AGBL1: variants seen among roughly 807,000 people sequenced by gnomAD.
AGBL1 encodes the protein AGBL carboxypeptidase 1.
AGBL1 carries 130 observed loss-of-function variants against 118.9 expected under a neutral mutation model. The ratio of observed to expected loss-of-function variants is 1.09; its 90% CI spans 0.95 to 1.26. The LOEUF is 1.26. Among genes scored for constraint, AGBL1 ranks in the 50% most tolerant of loss-of-function variants. The pLI is 0.00. For missense variants in AGBL1, 1,584 were observed against 1,298.1 expected (o/e 1.22, Z -3.38); for synonymous variants, 555 against 478.9 (o/e 1.16, Z -2.08).
intron 22 of AGBL1, among the ~76,000 whole-genome samples, chr15:86,769,202 G>GGAGAGA (rs56130631): frequency 7.0e-4 from 100 of 143,648 alleles, no homozygotes; most frequent in African/African-American, 2.2e-3. Flanking sequence ...AGAGAAAGAG[G>GGAGAGA]GAGAGAGAGA....
chr15:86,719,817 A>G (rs777265799), intron 22 of AGBL1, among the ~76,000 whole-genome samples: 4 of 152,208 alleles, frequency 2.6e-5, no homozygotes, highest in Non-Finnish European at 5.9e-5. Flanking sequence ...TTTCTGTTAG[A>G]TGGAAATACC....
At chr15:86,961,739 T>C (rs578106164) in intron 23 of AGBL1, among the ~76,000 whole-genome samples, 2 of 152,182 alleles carry the variant, frequency 1.3e-5, no homozygotes, top group East Asian at 3.9e-4. Flanking sequence ...CAGGAATGAA[T>C]CTCTAGTTTA....
At chr15:86,250,142 C>A (rs946710854) in intron 7 of AGBL1, among the ~76,000 whole-genome samples, 1 of 152,068 alleles carries the variant, frequency 6.6e-6, no homozygotes, top group Admixed American at 6.6e-5. Context: ...CATCTGTCAC[C>A]TGGAAGAGTG....
chr15:86,202,678 T>C (rs62013768), intron 5 of AGBL1, among the ~76,000 whole-genome samples: 18,203 of 152,228 alleles, frequency 0.12, 1,281 homozygotes, highest in East Asian at 0.25. Flanking sequence ...AAAGTTTCAA[T>C]ATTTTTATTT....
At chr15:86,355,526 G>T (rs1319413958) in intron 17 of AGBL1, among the ~76,000 whole-genome samples, 2 of 152,132 alleles carry the variant, frequency 1.3e-5, no homozygotes, top group African/African-American at 2.4e-5. Flanking sequence ...TATTTTGTCA[G>T]AAATTCAAAC....
intron 22 of AGBL1, among the ~76,000 whole-genome samples, chr15:86,694,136 ATGGGAATATTTTGG>A (rs1283802278): frequency 1.3e-5 from 2 of 151,896 alleles, no homozygotes; most frequent in Non-Finnish European, 2.9e-5. Flanking sequence ...GTGAAGAATG[ATGGGAATATTTTGG>A]TGGGAATTGC....
intron 17 of AGBL1, among the ~76,000 whole-genome samples, chr15:86,332,861 A>G (rs746116289): frequency 1.2e-4 from 19 of 152,130 alleles, no homozygotes; most frequent in Non-Finnish European, 2.2e-4. Flanking sequence ...ATACTCTCAG[A>G]CCACAGTGGA....
chr15:86,228,730 T>C (rs2881264), intron 6 of AGBL1, among the ~76,000 whole-genome samples: 38,701 of 152,132 alleles, frequency 0.25, 5,188 homozygotes, highest in South Asian at 0.34. Context: ...TATCAAGTAG[T>C]GACTGCATGA....
chr15:86,168,937 G>T (rs1344801029), intron 5 of AGBL1, among the ~76,000 whole-genome samples: 1 of 151,956 alleles, frequency 6.6e-6, no homozygotes, highest in Non-Finnish European at 1.5e-5. Flanking sequence ...TTCTTCTGTT[G>T]TCTACTAAGA....
intron 16 of AGBL1, among the ~76,000 whole-genome samples, chr15:86,286,925 G>A (rs2079464285): frequency 6.6e-6 from 1 of 151,624 alleles, no homozygotes; most frequent in African/African-American, 2.4e-5. Flanking sequence ...TTAATTTTTT[G>A]AGGAAACTTC....
chr15:86,268,442 T>C (rs1439072673), intron 13 of AGBL1, among the ~76,000 whole-genome samples: 1 of 152,294 alleles, frequency 6.6e-6, no homozygotes, highest in Non-Finnish European at 1.5e-5. Flanking sequence ...ATTATGAGTC[T>C]CCTGGTGGAA....
In AGBL1 at chr15:86,915,329, A is replaced by G. The variant is rs1209309055; in HGVS notation, c.*8035A>G. ...GTGACCTCCCATGGTCTTAAGGATA[A>G]AATGCAGACAGGACCTAGTGCTTGA... On this transcript the variant is annotated 3_prime_UTR_variant, in exon 23 of 23. Transcript: ENST00000614907. The G allele has an allele frequency of 1.3e-5, 2 of 152,200 alleles. No individual in the cohort carries two copies. Among genetic ancestry groups the G allele is most frequent in the South Asian group, 2.1e-4 (1 of 4,828 alleles). 9.4% of individuals were successfully genotyped at this position (152,200 alleles called of 1,614,324 possible).
chr15:86,230,526 G>A (rs901549369), intron 6 of AGBL1, among the ~76,000 whole-genome samples: 1 of 152,180 alleles, frequency 6.6e-6, no homozygotes, highest in Non-Finnish European at 1.5e-5. Flanking sequence ...ACTGCCTGTG[G>A]TCTGCCCTCC....
chr15:86,497,296 A>G (rs1456464041), intron 18 of AGBL1, among the ~76,000 whole-genome samples: 1 of 151,910 alleles, frequency 6.6e-6, no homozygotes, highest in Non-Finnish European at 1.5e-5. Flanking sequence ...TCTAAACCTC[A>G]TGTCTGAAAA....
chr15:86,849,985 C>A (rs1306128978), intron 22 of AGBL1, among the ~76,000 whole-genome samples: 1 of 152,220 alleles, frequency 6.6e-6, no homozygotes, highest in African/African-American at 2.4e-5. Context: ...CATTCCTATG[C>A]TGTTCAGTCA....
At chr15:86,337,037 A>G (rs1259396381) in intron 17 of AGBL1, among the ~76,000 whole-genome samples, 1 of 152,216 alleles carries the variant, frequency 6.6e-6, no homozygotes, top group African/African-American at 2.4e-5. Flanking sequence ...GGGAATGGGG[A>G]CAAGAATTAG....
chr15:86,739,879 T>C (rs1413710603), intron 22 of AGBL1, among the ~76,000 whole-genome samples: 1 of 152,104 alleles, frequency 6.6e-6, no homozygotes, highest in Non-Finnish European at 1.5e-5. Context: ...TCCAGAAGGG[T>C]GGCCTAATGA....
At chr15:86,562,059 A>G (rs2083831092) in intron 21 of AGBL1, among the ~76,000 whole-genome samples, 1 of 152,168 alleles carries the variant, frequency 6.6e-6, no homozygotes, top group African/African-American at 2.4e-5. Context: ...TTTGGGCTGA[A>G]ACGATGGGGT....
At chr15:86,975,405 G>C (rs1260957642) in intron 23 of AGBL1, among the ~76,000 whole-genome samples, 1 of 151,976 alleles carries the variant, frequency 6.6e-6, no homozygotes, top group Non-Finnish European at 1.5e-5. Flanking sequence ...GCACGAGAAA[G>C]AGAAAGACCC....
Sources: gnomAD v4.1 joint callset for allele counts (sites outside exome capture counted in the v4.1 genomes callset) on GRCh38, gnomAD v4.1.1 for gene constraint, MANE v1.5 for transcripts, NCBI Gene and HGNC (gene_info 2026-07-23, HGNC 2026-07-21) for gene names.